Variants in GFRA2 observed in about 807,000 individuals in gnomAD.
GFRA2 encodes the protein GDNF family receptor alpha 2.
GFRA2 carries 17 observed loss-of-function variants against 48.3 expected under a neutral mutation model. The observed-to-expected ratio is 0.35, with a 90% CI of 0.24 to 0.53. GFRA2 has a LOEUF of 0.53. GFRA2 is among the 20% of genes least tolerant of loss of function. GFRA2 has a pLI of 0.93. For missense variants in GFRA2, 660 were observed against 637.3 expected (o/e 1.04, Z -0.38); for synonymous variants, 305 against 257.2 (o/e 1.19, Z -1.78).
upstream of GFRA2, chr8:21,789,100 AGGCGGTGGCGGT>A (rs1304561413): frequency 2.2e-5 from 3 of 138,440 alleles, no homozygotes; most frequent in Non-Finnish European, 4.5e-5. Flanking sequence ...GACAAGGCGA[AGGCGGTGGCGGT>A]GGCGGTGGCG....
intron 4 of GFRA2, among the ~76,000 whole-genome samples, chr8:21,741,353 C>T (rs1392943937): frequency 6.6e-6 from 1 of 152,226 alleles, no homozygotes; most frequent in Non-Finnish European, 1.5e-5. Context: ...ACCAGGCTCC[C>T]CATTCCTCAG....
chr8:21,722,299 A>AGG (rs1335049323), intron 4 of GFRA2, among the ~76,000 whole-genome samples: 2 of 152,172 alleles, frequency 1.3e-5, no homozygotes, highest in Non-Finnish European at 2.9e-5. Flanking sequence ...CCAGGAACAT[A>AGG]GCGCCTTAGG....
intron 4 of GFRA2, among the ~76,000 whole-genome samples, chr8:21,746,575 T>G (rs1039465682): frequency 2.0e-5 from 3 of 152,082 alleles, no homozygotes; most frequent in Non-Finnish European, 4.4e-5. Flanking sequence ...TAGCACTGCT[T>G]GTGGGCCCTG....
intron 7 of GFRA2, among the ~76,000 whole-genome samples, chr8:21,701,681 T>C (rs561535464): frequency 1.4e-4 from 22 of 152,328 alleles, no homozygotes; most frequent in African/African-American, 4.3e-4. Context: ...GCATGTATCA[T>C]GTCACATACA....
In GFRA2 at chr8:21,775,055, C is replaced by T; in HGVS notation, c.356G>A (p.Gly119Asp). Residue 119 changes from glycine to aspartate, a missense_variant and splice_region_variant, in exon 3 of 9, where the codon GGT becomes GAT. Physicochemically the swap from Gly to Asp is moderately conservative, Grantham distance 94. Coordinates refer to ENST00000524240, the MANE Select transcript of GFRA2 (RefSeq NM_001495.5). ...YWSIHLGLTE[G>D]EEFYEASPYE... is the part of the protein sequence containing the mutation. ...GGGGGAGGCTTCGTAGAACTCCTCA[C>T]CTGGAAGACAGAACAGGCATCAGAT... 6.5e-7 allele frequency: 1 copy of T among 1,548,340 alleles called. No individual in the cohort carries two copies. The highest frequency in any genetic ancestry group is 1.4e-5 in the African/African-American group (1 of 73,760).
intron 3 of GFRA2, among the ~76,000 whole-genome samples, chr8:21,756,624 G>A (rs1327173647): frequency 6.6e-6 from 1 of 152,204 alleles, no homozygotes; most frequent in Non-Finnish European, 1.5e-5. Flanking sequence ...TCAGGAAGGT[G>A]AGTTCCCACT....
chr8:21,812,159 G>A (rs1807993290), intron 1 of GFRA2: 1 of 152,222 alleles, frequency 6.6e-6, no homozygotes, highest in Non-Finnish European at 1.5e-5. Context: ...GAACAAAGCA[G>A]GCAGTCCTGG....
At chr8:21,755,006 A>T (rs1805500055) in intron 3 of GFRA2, among the ~76,000 whole-genome samples, 1 of 152,152 alleles carries the variant, frequency 6.6e-6, no homozygotes, top group Non-Finnish European at 1.5e-5. Flanking sequence ...AAGGTATGAC[A>T]CTCTGAAAAA....
At chr8:21,762,837 G>T (rs149349403) in intron 3 of GFRA2, among the ~76,000 whole-genome samples, 1 of 151,806 alleles carries the variant, frequency 6.6e-6, no homozygotes, top group African/African-American at 2.4e-5. Context: ...TAATATTTAG[G>T]GTTTTTACCA....
intron 2 of GFRA2, among the ~76,000 whole-genome samples, chr8:21,801,660 T>C (rs1380020754): frequency 2.6e-5 from 4 of 151,336 alleles, no homozygotes; most frequent in African/African-American, 9.7e-5. Flanking sequence ...CCAGGCAGAG[T>C]GGGTAAAGGA....
intron 2 of GFRA2, among the ~76,000 whole-genome samples, chr8:21,780,576 G>A (rs1585334917): frequency 6.6e-6 from 1 of 152,008 alleles, no homozygotes; most frequent in Non-Finnish European, 1.5e-5. Context: ...GTCTCGCTCA[G>A]ACCCACTTCC....
At chr8:21,743,356 C>G (rs1386119943) in intron 4 of GFRA2, among the ~76,000 whole-genome samples, 2 of 152,204 alleles carry the variant, frequency 1.3e-5, no homozygotes, top group African/African-American at 4.8e-5. Flanking sequence ...TTTTCTGTGA[C>G]TCATCTCCCC....
chr8:21,732,470 C>A (rs936961106), intron 4 of GFRA2, among the ~76,000 whole-genome samples: 1 of 152,162 alleles, frequency 6.6e-6, no homozygotes, highest in Non-Finnish European at 1.5e-5. Flanking sequence ...AGGGGGGTAT[C>A]TCTCTGGGCA....
At chr8:21,740,666 C>T (rs548381660) in intron 4 of GFRA2, among the ~76,000 whole-genome samples, 1 of 152,336 alleles carries the variant, frequency 6.6e-6, no homozygotes, top group East Asian at 1.9e-4. Context: ...CCTACCCATT[C>T]CTCTAGCTTT....
intron 7 of GFRA2, 94 bp from the exon 8 acceptor site, chr8:21,694,611 T>C (rs1283881731): frequency 7.0e-6 from 8 of 1,141,384 alleles, no homozygotes; most frequent in African/African-American, 3.0e-5. Flanking sequence ...CCATGCACTG[T>C]TGGCTCCGCT....
At chr8:21,773,605 C>T (rs1806545581) in intron 3 of GFRA2, among the ~76,000 whole-genome samples, 3 of 152,244 alleles carry the variant, frequency 2.0e-5, no homozygotes, top group Non-Finnish European at 4.4e-5. Context: ...TCCTCCAAAA[C>T]TCAAACCTTC....
At chr8:21,796,691 T>G (rs1162181161) in intron 2 of GFRA2, among the ~76,000 whole-genome samples, 8 of 152,346 alleles carry the variant, frequency 5.3e-5, no homozygotes, top group African/African-American at 1.9e-4. Flanking sequence ...ATCTAGAACT[T>G]TCTCTCCTTC....
intron 2 of GFRA2, among the ~76,000 whole-genome samples, chr8:21,781,657 CT>C (rs375217541): frequency 2.6e-5 from 4 of 152,088 alleles, no homozygotes; most frequent in Non-Finnish European, 4.4e-5. Context: ...TTATCCGCAC[CT>C]CCCCAGACTC....
chr8:21,693,417 A>G lies in GFRA2; in HGVS notation c.1273-17T>C. 1 of 1,596,832 alleles carries G rather than the reference A, an allele frequency of 6.3e-7. No individual in the cohort carries two copies. The highest frequency in any genetic ancestry group is 2.3e-5 in the East Asian group (1 of 44,404). The stretch of plus-strand genomic sequence containing the variant: ...TGTCGTGAGCTGAGTCCGCAGCAGG[A>G]GAAGAATCAGGAACAAAGAGAATGA... On this transcript the variant is annotated splice_polypyrimidine_tract_variant and intron_variant, in intron 8 of 8. Transcript: ENST00000524240.
Sources: allele counts gnomAD v4.1 joint callset (sites outside exome capture counted in the v4.1 genomes callset), GRCh38; gene constraint gnomAD v4.1.1; transcripts MANE v1.5; gene names NCBI Gene and HGNC (gene_info 2026-07-23, HGNC 2026-07-21).